The following OTOG variants were observed in gnomAD, a reference collection of about 807,000 sequenced individuals.
OTOG encodes the protein otogelin.
OTOG carries 296 observed loss-of-function variants against 313.8 expected under a neutral mutation model. The ratio of observed to expected loss-of-function variants is 0.94; its 90% CI spans 0.86 to 1.04. OTOG has a LOEUF of 1.04. Among genes scored for constraint, OTOG ranks in the 50% least tolerant of loss-of-function variants. The probability of loss-of-function intolerance (pLI) is 0.00; values close to 1 mark genes in which losing one functional copy is unlikely to be tolerated. For synonymous variants in OTOG, 1,533 were observed against 1,554.9 expected, an observed-to-expected ratio of 0.99 and a Z score of 0.33; for missense variants, 3,948 against 3,840.1, an observed-to-expected ratio of 1.03 and a Z score of -0.74.
rs1331633281 is a variant in OTOG at position 17,629,182 on chromosome 11, T to A, written c.6578T>A (p.Phe2193Tyr). The change falls in exon 40 of 56, where the codon TTC becomes TAC. Residue 2193 changes from phenylalanine to tyrosine, a missense_variant. By Grantham distance (22) the Phe-to-Tyr change is conservative. Transcript: ENST00000399397. ...TGGCCACCGGTGAGCAGGTATGGAT[T>A]CAGAATTGAGGACACAGGCCACATG... Reference protein sequence around the residue: ...PVWPPVSRYGFRIEDTGHMYM... With the variant: ...PVWPPVSRYGYRIEDTGHMYM... 1 of 1,550,570 alleles carries A rather than the reference T, an allele frequency of 6.4e-7. No individual in the cohort carries two copies.
In OTOG at chr11:17,610,984, C is replaced by T; in HGVS notation, c.5684C>T (p.Ala1895Val). 6.4e-7 allele frequency: 1 copy of T among 1,550,578 alleles called. No homozygotes were observed. The highest frequency in any genetic ancestry group is 1.4e-5 in the African/African-American group (1 of 73,148). ...GTCCTGCCTGTGGCTGAGGGCACGGCCTCCATGGTATCTGTTGTCCCACGA... is the reference window on the plus strand; with the variant it reads ...GTCCTGCCTGTGGCTGAGGGCACGGTCTCCATGGTATCTGTTGTCCCACGA... ...SGVLPVAEGT[A>V]SMVSVVPRKS... The change falls in exon 36 of 56, where the codon GCC becomes GTC. Residue 1895 changes from alanine to valine, a missense_variant. Ala to Val is a moderately conservative substitution (Grantham distance 64). Coordinates refer to ENST00000399397, the MANE Select transcript of OTOG (RefSeq NM_001292063.2).
chr11:17,620,955 T>G (rs1015210719), intron 39 of OTOG, among the ~76,000 whole-genome samples: 1 of 152,234 alleles, frequency 6.6e-6, no homozygotes, highest in African/African-American at 2.4e-5. Context: ...GATTTGGGTC[T>G]TTTTATATCA....
At chr11:17,640,276 G>A (rs1239526529) in intron 49 of OTOG, among the ~76,000 whole-genome samples, 1 of 152,158 alleles carries the variant, frequency 6.6e-6, no homozygotes, top group Non-Finnish European at 1.5e-5. Context: ...ATATCATGGA[G>A]CCAGGGCTGA....
At chr11:17,618,901 A>G (rs1853796791) in intron 39 of OTOG, among the ~76,000 whole-genome samples, 1 of 152,156 alleles carries the variant, frequency 6.6e-6, no homozygotes, top group Non-Finnish European at 1.5e-5. Context: ...TAGCGTGTAT[A>G]CCTAATATGT....
Position 17,570,517 on chromosome 11 carries a change from T to C in OTOG, c.1955+127T>C, listed in dbSNP as rs141333212. 276 of 855,344 alleles carry C rather than the reference T, an allele frequency of 3.2e-4. No individual in the cohort carries two copies. The African/African-American group carries it at 4.1e-3, about 13-fold the overall frequency. 53.0% of individuals were successfully genotyped at this position (855,344 alleles called of 1,614,324 possible). A position where few individuals can be genotyped will look rare whatever the true frequency, so the allele number is the denominator to read the frequency against. On this transcript the variant is annotated intron_variant, in intron 17 of 55. Transcript: ENST00000399397. Reference sequence around the variant, plus strand: ...TGTGCCCAGCATGCACCATTAGTTATTGATTTCTCTACATTTAAATTTAAT... The same window carrying C: ...TGTGCCCAGCATGCACCATTAGTTACTGATTTCTCTACATTTAAATTTAAT...
chr11:17,609,602 C>A (rs888406272), intron 35 of OTOG, 53 bp from the exon 36 acceptor site: 2 of 1,405,082 alleles, frequency 1.4e-6, no homozygotes, highest in East Asian at 2.5e-5. Context: ...CCAGCAATGA[C>A]CCCCGGGGCA....
Position 17,562,046 on chromosome 11 carries a change from AATAT to A in OTOG, c.1644+262_1644+265del, listed in dbSNP as rs375919593. ...TTAGGATTTTACTACCTAAAAAAAA[AATAT>A]ATATATATATATATATATATATGTA... On this transcript the variant is annotated intron_variant, in intron 15 of 55. Transcript: ENST00000399397. 0.082 allele frequency among the ~76,000 whole-genome samples: 11,431 copies of A among 139,580 alleles called. 463 individuals carry two copies. Among genetic ancestry groups the A allele is most frequent in the Middle Eastern group, 0.16 (44 of 272 alleles). The allele number at this position is 139,580 out of a possible 152,430, so 91.6% of individuals were successfully genotyped here.
intron 6 of OTOG, 124 bp downstream of exon 6, chr11:17,553,643 C>T: frequency 3.2e-6 from 3 of 943,594 alleles, no homozygotes; most frequent in Admixed American, 7.5e-5. Context: ...CGCCCCCCAG[C>T]TCCCACCCAG....
chr11:17,577,939 CT>C, intron 22 of OTOG, among the ~76,000 whole-genome samples: 1 of 152,298 alleles, frequency 6.6e-6, no homozygotes, highest in African/African-American at 2.4e-5. Flanking sequence ...CTCTGGCCCC[CT>C]GCCACACTGA....
At chr11:17,575,463 GAC>G (rs1272578507) in intron 20 of OTOG, among the ~76,000 whole-genome samples, 2 of 152,192 alleles carry the variant, frequency 1.3e-5, no homozygotes, top group African/African-American at 2.4e-5. Context: ...TCTGAGCAGA[GAC>G]CTGAGGGAGT....
chr11:17,560,879 C>T (rs1373956560), intron 13 of OTOG, 62 bp downstream of exon 13: 1 of 1,403,452 alleles, frequency 7.1e-7, no homozygotes, highest in African/African-American at 1.4e-5. Context: ...TCCACGAGGG[C>T]TGCCCATCTG....
intron 38 of OTOG, 22 bp from the exon 39 acceptor site, chr11:17,613,590 G>A (rs1853650824): frequency 1.9e-6 from 3 of 1,547,520 alleles, no homozygotes; most frequent in East Asian, 2.4e-5. Context: ...CCAAGTTGAT[G>A]AGGGCTGGGT....
chr11:17,561,553 C>A, intron 14 of OTOG, 109 bp from the exon 15 acceptor site: 1 of 1,180,620 alleles, frequency 8.5e-7, no homozygotes, highest in Non-Finnish European at 1.2e-6. Flanking sequence ...CCTTATACTG[C>A]TCTTATTCTG....
Position 17,561,192 on chromosome 11 carries a change from T to G in OTOG, c.1498+55T>G, listed in dbSNP as rs1852174783. On this transcript the variant is annotated intron_variant, in intron 14 of 55. Transcript: ENST00000399397. The stretch of plus-strand genomic sequence containing the variant: ...TCCCTTCTACCAGTCTGATAGGTTT[T>G]GGGGCAAGGAATCTCTGGGGGCCAG... 6.5e-6 allele frequency: 10 copies of G among 1,542,336 alleles called. No individual in the cohort carries two copies. In the South Asian group the frequency reaches 1.1e-4, roughly 17 times the overall value.
At chr11:17,590,475 C>G (rs1852904541) in intron 24 of OTOG, among the ~76,000 whole-genome samples, 1 of 152,236 alleles carries the variant, frequency 6.6e-6, no homozygotes, top group African/African-American at 2.4e-5. Flanking sequence ...TGCTGTTACC[C>G]TGCTCCAGGC....
intron 13 of OTOG, 124 bp from the exon 14 acceptor site, chr11:17,560,967 G>A: frequency 7.9e-7 from 1 of 1,266,410 alleles, no homozygotes; most frequent in Non-Finnish European, 1.1e-6. Flanking sequence ...TCCAATCCAT[G>A]GGGGAAATCT....
At chr11:17,561,633 T>A (rs1409694549) in intron 14 of OTOG, 29 bp from the exon 15 acceptor site, 3 of 1,550,362 alleles carry the variant, frequency 1.9e-6, no homozygotes, top group Non-Finnish European at 2.6e-6. Flanking sequence ...GCGGCTCCCA[T>A]GGGTCAGTGG....
At position 17,591,534 on chromosome 11, in the gene OTOG, G is replaced by C. The variant is rs747518343; in HGVS notation, c.2952G>C (p.Thr984=). Residue 984 remains threonine (T), a synonymous_variant, in exon 25 of 56, where the codon ACG becomes ACC. Coordinates refer to ENST00000399397, the MANE Select transcript of OTOG (RefSeq NM_001292063.2). ...CTAYGDRHYR[T]FDGLPFDFVG... Reference sequence around the variant, plus strand: ...CCTATGGGGACCGGCATTACCGCACGTTTGATGGGCTCCCGTTTGACTTCG... The same window carrying C: ...CCTATGGGGACCGGCATTACCGCACCTTTGATGGGCTCCCGTTTGACTTCG... 1 of 1,550,688 alleles carries C rather than the reference G, an allele frequency of 6.4e-7. No individual in the cohort carries two copies. The highest frequency in any genetic ancestry group is 8.7e-7 in the Non-Finnish European group (1 of 1,147,036).
chr11:17,640,098 T>C lies in OTOG; in HGVS notation c.7935+635T>C, dbSNP rs373583481. ...ATGGCAATGATGATGATGATGTTGA[T>C]GACAATCATGACGGTAGCTAATGTT... On this transcript the variant is annotated intron_variant, in intron 49 of 55. Coordinates refer to ENST00000399397, the MANE Select transcript of OTOG (RefSeq NM_001292063.2). Among the ~76,000 whole-genome samples the C allele has an allele frequency of 1.6e-3, 240 of 152,280 alleles. 1 individual carries two copies. Among genetic ancestry groups the C allele is most frequent in the African/African-American group, 5.6e-3 (234 of 41,560 alleles).
Sources: allele counts gnomAD v4.1 joint callset (sites outside exome capture counted in the v4.1 genomes callset), GRCh38; gene constraint gnomAD v4.1.1; transcripts MANE v1.5; gene names NCBI Gene and HGNC (gene_info 2026-07-23, HGNC 2026-07-21).